Variants in GDPD5 observed in about 807,000 individuals in gnomAD.
The protein encoded by GDPD5 is glycerophosphodiester phosphodiesterase domain containing 5, also known as glycerophosphodiester phosphodiesterase 2.
GDPD5 carries 48 observed loss-of-function variants against 75.1 expected under a neutral mutation model. The observed-to-expected ratio is 0.64, with a 90% CI of 0.51 to 0.81. The LOEUF is 0.81. Ranked by LOEUF, GDPD5 falls within the 40% of genes least tolerant of loss-of-function variation. The pLI, the probability that GDPD5 is intolerant of heterozygous loss-of-function variation, is 0.00. For missense variants in GDPD5, 706 were observed against 822.6 expected, an observed-to-expected ratio of 0.86 and a Z score of 1.73; for synonymous variants, 336 against 339.0, an observed-to-expected ratio of 0.99 and a Z score of 0.10.
intron 1 of GDPD5, among the ~76,000 whole-genome samples, chr11:75,518,336 G>A (rs1193374423): frequency 6.6e-6 from 1 of 152,202 alleles, no homozygotes; most frequent in Non-Finnish European, 1.5e-5. Flanking sequence ...GTCCTGGGGG[G>A]AGGAAGCAGC....
At chr11:75,471,690 G>T (rs984181105) in intron 3 of GDPD5, among the ~76,000 whole-genome samples, 1 of 152,140 alleles carries the variant, frequency 6.6e-6, no homozygotes, top group Non-Finnish European at 1.5e-5. Context: ...CTTGCTCAAG[G>T]TGTTCATAGA....
rs770136380 is a variant in GDPD5 at position 75,436,994 on chromosome 11, A to G, written c.1611T>C (p.Ala537=). 6.2e-7 allele frequency: 1 copy of G among 1,613,528 alleles called. No homozygotes were observed. Among genetic ancestry groups the G allele is most frequent in the East Asian group, 2.2e-5 (1 of 44,874 alleles). The change falls in exon 16 of 17, where the codon GCT becomes GCC. Residue 537 remains alanine, a synonymous_variant. Transcript: ENST00000336898. ...SYNPEQIMLS[A]AVRRTSRDVS... ...CGTCCCGGCTGGTCCGGCGCACCGC[A>G]GCACTCAGCATGATCTGCTCAGGGT...
intron 3 of GDPD5, among the ~76,000 whole-genome samples, chr11:75,466,912 C>CA (rs1158011619): frequency 6.6e-6 from 1 of 152,068 alleles, no homozygotes; most frequent in Non-Finnish European, 1.5e-5. Context: ...TGCAGGCCCC[C>CA]TTGGGAGGCA....
chr11:75,451,894 G>A (rs1047381991), intron 6 of GDPD5: 4 of 152,212 alleles, frequency 2.6e-5, no homozygotes, highest in African/African-American at 9.7e-5. Context: ...GCATCATTAA[G>A]TTATAGCAAT....
At chr11:75,438,333 A>C (rs1793406) in intron 15 of GDPD5, 116,580 of 152,188 alleles carry the variant, frequency 0.77, 45,571 homozygotes, top group Non-Finnish European at 0.86. Context: ...CCCCCAGGGT[A>C]CCTTCCTCCA....
At chr11:75,509,692 T>C (rs1461977331) in intron 1 of GDPD5, among the ~76,000 whole-genome samples, 1 of 152,202 alleles carries the variant, frequency 6.6e-6, no homozygotes, top group African/African-American at 2.4e-5. Flanking sequence ...TTTCTTTTTC[T>C]TTTTTGAGAT....
Position 75,442,346 on chromosome 11 carries a change from G to A in GDPD5, c.1167+17C>T. 6.5e-7 allele frequency: 1 copy of A among 1,535,444 alleles called. No homozygotes were observed. The highest frequency in any genetic ancestry group is 8.8e-7 in the Non-Finnish European group (1 of 1,137,450). On this transcript the variant is annotated intron_variant, in intron 12 of 16. Coordinates refer to ENST00000336898, the MANE Select transcript of GDPD5 (RefSeq NM_030792.8). ...GGCCAGGGCTCCCGGGGGCAGAGCT[G>A]CGTTGCAGGGCCTCACCTGGTGCTG... is the stretch of plus-strand genomic sequence containing the variant.
intron 1 of GDPD5, among the ~76,000 whole-genome samples, chr11:75,498,598 C>G (rs904553268): frequency 6.6e-6 from 1 of 152,196 alleles, no homozygotes; most frequent in African/African-American, 2.4e-5. Context: ...GGGACCTGGA[C>G]TGGTTGGAGA....
chr11:75,435,696 G>T, intron 16 of GDPD5, 41 bp from the exon 17 acceptor site: 1 of 1,561,038 alleles, frequency 6.4e-7, no homozygotes, highest in South Asian at 1.2e-5. Flanking sequence ...TCGGGGAGGA[G>T]GCAGTCGTGA....
At chr11:75,447,694 G>A (rs1949021138) in intron 9 of GDPD5, among the ~76,000 whole-genome samples, 1 of 152,152 alleles carries the variant, frequency 6.6e-6, no homozygotes, top group Non-Finnish European at 1.5e-5. Flanking sequence ...GGCTGCTGGA[G>A]GGAGCCCAGG....
At chr11:75,520,835 T>C (rs1230061115) in intron 1 of GDPD5, among the ~76,000 whole-genome samples, 1 of 152,210 alleles carries the variant, frequency 6.6e-6, no homozygotes, top group Non-Finnish European at 1.5e-5. Context: ...CCGGCCAGCC[T>C]GCCTCCAGTC....
intron 4 of GDPD5, among the ~76,000 whole-genome samples, chr11:75,459,099 A>C (rs777412665): frequency 6.6e-6 from 1 of 152,142 alleles, no homozygotes; most frequent in Admixed American, 6.5e-5. Context: ...ACAAGCATTT[A>C]CTTATGCCAG....
chr11:75,465,942 C>T (rs1353086057), intron 3 of GDPD5, among the ~76,000 whole-genome samples: 1 of 152,226 alleles, frequency 6.6e-6, no homozygotes, highest in African/African-American at 2.4e-5. Flanking sequence ...GACAGGGGGC[C>T]AGGAAGACCA....
At chr11:75,470,238 G>T (rs1008485824) in intron 3 of GDPD5, among the ~76,000 whole-genome samples, 31 of 152,320 alleles carry the variant, frequency 2.0e-4, no homozygotes, top group African/African-American at 7.2e-4. Context: ...GCTTTATTTT[G>T]GGGAACTGGC....
Position 75,435,356 on chromosome 11 carries a change from CAA to C in GDPD5, c.*149_*150del. 1 of 664,872 alleles carries C rather than the reference CAA, an allele frequency of 1.5e-6. No individual in the cohort carries two copies. Among genetic ancestry groups the C allele is most frequent in the Non-Finnish European group, 2.4e-6 (1 of 411,384 alleles). 41.2% of individuals were successfully genotyped at this position (664,872 alleles called of 1,614,324 possible). A position where few individuals can be genotyped will look rare whatever the true frequency, so the allele number is the denominator to read the frequency against. ...GCCTCAGGAGACAGGGAGTCCCCCT[CAA>C]GAGAGGCTGCGGCTGACAAGGGGCT... is the stretch of plus-strand genomic sequence containing the variant. On this transcript the variant is annotated 3_prime_UTR_variant, in exon 17 of 17. Transcript: ENST00000336898.
chr11:75,468,685 C>G lies in GDPD5; in HGVS notation c.118-5796G>C, dbSNP rs74383075. Among the ~76,000 whole-genome samples the G allele has an allele frequency of 3.1e-3, 472 of 152,134 alleles. 3 individuals are homozygous for G. The highest frequency in any genetic ancestry group is 0.01 in the African/African-American group (416 of 41,574). ...GTTACTGCCCTCCCCCGACGCCCCC[C>G]CCCCGGGAGGTGGAGCTGAAATCTG... On this transcript the variant is annotated intron_variant, in intron 3 of 16. Transcript: ENST00000336898.
chr11:75,525,055 A>G (rs1941615850), intron 1 of GDPD5, among the ~76,000 whole-genome samples, 155 bp downstream of exon 1: 1 of 152,052 alleles, frequency 6.6e-6, no homozygotes, highest in Non-Finnish European at 1.5e-5. Flanking sequence ...TGGGCGCTCA[A>G]TAAGTACCCG....
intron 12 of GDPD5, among the ~76,000 whole-genome samples, chr11:75,442,132 G>C (rs755090880): frequency 6.6e-6 from 1 of 152,152 alleles, no homozygotes; most frequent in South Asian, 2.1e-4. Context: ...CAAACGACAG[G>C]GCAACACTTC....
At position 75,490,255 on chromosome 11, in the gene GDPD5, G is replaced by A. The variant is rs114345371; in HGVS notation, c.-79C>T. On this transcript the variant is annotated 5_prime_UTR_variant, in exon 2 of 17. Transcript: ENST00000336898. ...TCTTTACCTGGAAGAAGGTACCGGTGGCTGTGAGCTGGGCTCCTGGAGGTG... is the reference window on the plus strand; with the variant it reads ...TCTTTACCTGGAAGAAGGTACCGGTAGCTGTGAGCTGGGCTCCTGGAGGTG... 1 of 152,364 alleles carries A rather than the reference G, an allele frequency of 6.6e-6. No homozygotes were observed. Among genetic ancestry groups the A allele is most frequent in the African/African-American group, 2.4e-5 (1 of 41,576 alleles). The allele number at this position is 152,364 out of a possible 1,614,324, so 9.4% of individuals were successfully genotyped here. A position where few individuals can be genotyped will look rare whatever the true frequency, so the allele number is the denominator to read the frequency against.
Sources: gnomAD v4.1 joint callset for allele counts (sites outside exome capture counted in the v4.1 genomes callset) on GRCh38, gnomAD v4.1.1 for gene constraint, MANE v1.5 for transcripts, NCBI Gene and HGNC (gene_info 2026-07-23, HGNC 2026-07-21) for gene names.